Variants in NBPF20 observed in about 807,000 individuals in gnomAD.
The protein encoded by NBPF20 is NBPF family member NBPF20.
In NBPF20, 90 loss-of-function variants were observed where a neutral mutation model predicts 68.1. The ratio of observed to expected loss-of-function variants is 1.32; its 90% CI spans 1.11 to 1.58. NBPF20 has a LOEUF of 1.58. NBPF20 is among the 40% of genes most tolerant of loss of function. The probability of loss-of-function intolerance (pLI) is 0.00; values close to 1 mark genes in which losing one functional copy is unlikely to be tolerated. For synonymous variants in NBPF20, 290 were observed against 228.1 expected (o/e 1.27, Z -2.45); for missense variants, 816 against 601.2 (o/e 1.36, Z -3.74).
At chr1:145,410,886 T>TAC in the NBPF20 span, among the ~76,000 whole-genome samples, 4,913 of 124,236 alleles carry the variant, frequency 0.04, 162 homozygotes, top group Non-Finnish European at 0.05. Flanking sequence ...TATATATGTA[T>TAC]ACACACACAC....
intron 7 of NBPF20, among the ~76,000 whole-genome samples, chr1:145,395,745 C>A (rs1207839475): frequency 2.7e-5 from 4 of 148,056 alleles, no homozygotes; most frequent in African/African-American, 5.3e-5. Flanking sequence ...CTCCAACAGA[C>A]CTGAAGCTGA....
At chr1:145,334,907 G>A (rs1467690057) in intron 83 of NBPF20, among the ~76,000 whole-genome samples, 16 of 133,726 alleles carry the variant, frequency 1.2e-4, no homozygotes, top group Admixed American at 6.7e-4. Flanking sequence ...TGATGAAGGG[G>A]TCAAAGGACA....
the NBPF20 span, among the ~76,000 whole-genome samples, chr1:145,422,758 G>T: frequency 6.6e-6 from 1 of 152,154 alleles, no homozygotes; most frequent in Non-Finnish European, 1.5e-5. Context: ...GGAGGCTTAA[G>T]TGGGAAGATT....
chr1:145,291,800 C>T (rs781968575), intron 137 of NBPF20, 31 bp from the exon 143 acceptor site: 2 of 1,611,424 alleles, frequency 1.2e-6, no homozygotes, highest in Admixed American at 1.7e-5. Flanking sequence ...AAAGAAGCAG[C>T]CAGGGAAAAT....
chr1:145,342,812 C>G (rs1289566620), intron 73 of NBPF20, among the ~76,000 whole-genome samples: 2,808 of 105,548 alleles, frequency 0.027, 39 homozygotes, highest in East Asian at 0.032. Context: ...CACACACACA[C>G]AGAGAGAACG....
At chr1:145,421,435 T>C in the NBPF20 span, among the ~76,000 whole-genome samples, 2 of 152,240 alleles carry the variant, frequency 1.3e-5, no homozygotes, top group African/African-American at 4.8e-5. Context: ...CTCTGCTGTA[T>C]ACAAGCTATT....
chr1:145,291,712 A>G, exon 138 of NBPF20: 1 of 1,611,986 alleles, frequency 6.2e-7, no homozygotes, highest in Non-Finnish European at 8.5e-7. Context: ...AATAACATCC[A>G]TCCAGTGAGT....
At chr1:145,393,445 A>ACT (rs1553662657) in intron 9 of NBPF20, among the ~76,000 whole-genome samples, 199 bp from the exon 15 acceptor site, 18 of 132,426 alleles carry the variant, frequency 1.4e-4, no homozygotes, top group African/African-American at 5.0e-4. Context: ...ACACACACTC[A>ACT]CACACACACA....
chr1:145,306,308 C>G (rs1266598581), intron 119 of NBPF20, among the ~76,000 whole-genome samples: 6 of 145,562 alleles, frequency 4.1e-5, no homozygotes, highest in African/African-American at 1.3e-4. Flanking sequence ...CAGACACACA[C>G]ACACACACAG....
chr1:145,409,557 G>T (rs1358096553), upstream of NBPF20, among the ~76,000 whole-genome samples: 2 of 146,908 alleles, frequency 1.4e-5, no homozygotes, highest in Non-Finnish European at 3.0e-5. Flanking sequence ...TTCTTAACAG[G>T]AGCCATTTAG....
chr1:145,406,254 G>GGT (rs1398543742), upstream of NBPF20, among the ~76,000 whole-genome samples: 2 of 151,390 alleles, frequency 1.3e-5, no homozygotes, highest in East Asian at 3.9e-4. Flanking sequence ...TACTCAGGTG[G>GGT]GTATATATGC....
chr1:145,394,918 T>C, intron 8 of NBPF20, 60 bp downstream of exon 13: 1 of 1,595,102 alleles, frequency 6.3e-7, no homozygotes, highest in South Asian at 1.1e-5. Flanking sequence ...GGCCCAAAGA[T>C]TATGGGGTCT....
chr1:145,346,344 CTTCTTCCCCTTCTT>C lies in NBPF20; in HGVS notation c.8327_8340del (p.Lys2776ArgfsTer16). On this transcript the variant is annotated frameshift_variant, in exon 69 of 138. Transcript: ENST00000369373. LOFTEE classifies it high-confidence loss of function. ...CACCTGGGGCATGGTGGGTTTTGAT[CTTCTTCCCCTTCTT>C]TTCTTCCCCTTCTTCTTTCCTTCTT... 1.3e-5 allele frequency: 1 copy of C among 76,968 alleles called. No homozygotes were observed. The highest frequency in any genetic ancestry group is 2.1e-5 in the Non-Finnish European group (1 of 47,046). 4.8% of individuals were successfully genotyped at this position (76,968 alleles called of 1,614,324 possible).
chr1:145,394,483 T>A (rs1401366506), intron 8 of NBPF20, among the ~76,000 whole-genome samples: 1 of 152,054 alleles, frequency 6.6e-6, no homozygotes, highest in Admixed American at 6.6e-5. Context: ...ACAAGCGAAC[T>A]TAGAAGACAC....
chr1:145,397,383 C>T (rs1449222349), intron 7 of NBPF20, among the ~76,000 whole-genome samples: 1 of 152,164 alleles, frequency 6.6e-6, no homozygotes, highest in Non-Finnish European at 1.5e-5. Flanking sequence ...ACAGTCCCAC[C>T]AACAGTGTAA....
At chr1:145,398,349 A>G (rs1662359817) in intron 7 of NBPF20, among the ~76,000 whole-genome samples, 1 of 151,816 alleles carries the variant, frequency 6.6e-6, no homozygotes, top group Non-Finnish European at 1.5e-5. Context: ...CTCGTCAGCA[A>G]ATGTAAAAGA....
intron 6 of NBPF20, among the ~76,000 whole-genome samples, chr1:145,400,114 G>A (rs1249757778): frequency 2.0e-5 from 3 of 152,162 alleles, no homozygotes; most frequent in East Asian, 3.9e-4. Flanking sequence ...ATACTGAATC[G>A]AAGCTAGTAG....
chr1:145,395,710 G>T (rs1389445153), intron 7 of NBPF20, among the ~76,000 whole-genome samples: 1 of 148,548 alleles, frequency 6.7e-6, no homozygotes, highest in Non-Finnish European at 1.5e-5. Context: ...CCCTGTTTGA[G>T]GGTCTGGAGT....
At chr1:145,292,276 T>A in intron 137 of NBPF20, 105 bp downstream of exon 142, 1 of 608,630 alleles carries the variant, frequency 1.6e-6, no homozygotes, top group Non-Finnish European at 2.9e-6. Context: ...TAGGAGTAAT[T>A]CAGCCTTCGT....
Sources: allele counts gnomAD v4.1 joint callset (sites outside exome capture counted in the v4.1 genomes callset), GRCh38; gene constraint gnomAD v4.1.1; transcripts MANE v1.5; gene names NCBI Gene and HGNC (gene_info 2026-07-23, HGNC 2026-07-21).